Variants in TCERG1L observed in about 807,000 individuals in gnomAD.
TCERG1L encodes the protein transcription elongation regulator 1-like protein.
Under a neutral mutation model 56.3 loss-of-function variants are expected in TCERG1L, and 37 were observed. That is an observed-to-expected ratio of 0.66 (90% CI 0.51 to 0.87). The LOEUF (loss-of-function observed/expected upper bound fraction) is 0.87, where lower values mean the gene tolerates loss of function less well. TCERG1L is among the 40% of genes least tolerant of loss of function. The probability of loss-of-function intolerance (pLI) is 0.00; values close to 1 mark genes in which losing one functional copy is unlikely to be tolerated. For missense variants in TCERG1L, 799 were observed against 774.2 expected (o/e 1.03, Z -0.38); for synonymous variants, 324 against 326.3 (o/e 0.99, Z 0.08).
chr10:131,196,966 G>A (rs1431081661), intron 4 of TCERG1L, among the ~76,000 whole-genome samples: 10 of 152,158 alleles, frequency 6.6e-5, no homozygotes. Context: ...AGGGACCTGG[G>A]GATCAGGTCC....
At position 131,163,188 on chromosome 10, in the gene TCERG1L, C is replaced by T. The variant is rs780629059; in HGVS notation, c.968G>A (p.Gly323Glu). Residue 323 changes from glycine (G) to glutamate (E), a missense_variant, in exon 6 of 12, where the codon GGA (glycine) becomes GAA (glutamate). By Grantham distance (98) the Gly-to-Glu change is moderately conservative. Transcript: ENST00000368642. ...GCCTCTGGCTGTGCTGTCCTCTCCT[C>T]CCCCCAGCATCGGTGGAGGCTCCTT... ...EDKEPPPMLG[G>E]GEDSTARGNR... The T allele has an allele frequency of 2.6e-6, 4 of 1,558,462 alleles. No individual in the cohort carries two copies. The highest frequency in any genetic ancestry group is 1.2e-5 in the South Asian group (1 of 83,754).
intron 3 of TCERG1L, among the ~76,000 whole-genome samples, chr10:131,272,148 C>G (rs563900232): frequency 7.7e-4 from 117 of 152,308 alleles, no homozygotes; most frequent in Non-Finnish European, 1.5e-3. Flanking sequence ...GTCCTTCCCT[C>G]CGTGTCCTCT....
At chr10:131,233,665 T>C (rs1384061101) in intron 4 of TCERG1L, among the ~76,000 whole-genome samples, 1 of 152,218 alleles carries the variant, frequency 6.6e-6, no homozygotes, top group Non-Finnish European at 1.5e-5. Flanking sequence ...TTTGAAACTA[T>C]CAAAAATATA....
Position 131,311,199 on chromosome 10 carries a change from G to A in TCERG1L, c.342+95C>T, listed in dbSNP as rs1846890281. 2 of 1,017,062 alleles carry A rather than the reference G, an allele frequency of 2.0e-6. No individual in the cohort carries two copies. The highest frequency in any genetic ancestry group is 1.7e-5 in the African/African-American group (1 of 58,868). The allele number at this position is 1,017,062 out of a possible 1,614,324, so 63.0% of individuals were successfully genotyped here. On this transcript the variant is annotated intron_variant, in intron 1 of 11. Transcript: ENST00000368642. This position sits in a 1 kb window ranked among gnomAD's most constrained non-coding sequence, Gnocchi z 4.0. ...GCGGCGAGGACCGCCGGGGAGGAGGGCGCGCGAGCCGGAGGCCAGAGCCGG... is the reference window on the plus strand; with the variant it reads ...GCGGCGAGGACCGCCGGGGAGGAGGACGCGCGAGCCGGAGGCCAGAGCCGG...
intron 4 of TCERG1L, among the ~76,000 whole-genome samples, chr10:131,212,976 A>G (rs1028158225): frequency 6.6e-6 from 1 of 152,220 alleles, no homozygotes; most frequent in African/African-American, 2.4e-5. Flanking sequence ...GACCTGCACA[A>G]GCATATTGAA....
chr10:131,284,097 G>A (rs1266006115), intron 3 of TCERG1L, among the ~76,000 whole-genome samples: 1 of 139,808 alleles, frequency 7.2e-6, no homozygotes, highest in African/African-American at 2.7e-5. Context: ...CTGCACTCCA[G>A]CCTAGGCGAC....
chr10:131,211,436 G>A (rs1330252306), intron 4 of TCERG1L, among the ~76,000 whole-genome samples: 2 of 152,220 alleles, frequency 1.3e-5, no homozygotes, highest in Admixed American at 6.5e-5. Flanking sequence ...CTTTCCCGGT[G>A]TTCTGGGCCC....
rs542086940 is a variant in TCERG1L, at chr10:131,236,039, C to T, written c.856+24220G>A. The stretch of plus-strand genomic sequence containing the variant: ...CATGGAATTACATTACATTTAGGCT[C>T]ACCTAGTGTGTGTGCCAGGCAGTGA... On this transcript the variant is annotated intron_variant, in intron 4 of 11. Transcript: ENST00000368642. 6.6e-5 allele frequency among the ~76,000 whole-genome samples: 10 copies of T among 152,312 alleles called. 1 individual carries two copies. The highest frequency in any genetic ancestry group is 5.9e-4 in the Admixed American group (9 of 15,306).
chr10:131,226,091 C>A (rs1845788328), intron 4 of TCERG1L, among the ~76,000 whole-genome samples: 1 of 152,166 alleles, frequency 6.6e-6, no homozygotes, highest in Admixed American at 6.5e-5. Context: ...GTGTGAGCCA[C>A]CATGGCTGGC....
At chr10:131,297,768 CATGTTTTCTATTACTACTTCTATTT>C (rs1846714287) in intron 3 of TCERG1L, among the ~76,000 whole-genome samples, 1 of 152,046 alleles carries the variant, frequency 6.6e-6, no homozygotes, top group Non-Finnish European at 1.5e-5. Flanking sequence ...CAGAGTTATT[CATGTTTTCTATTACTACTTCTATTT>C]ATGTTTTCTA....
intron 4 of TCERG1L, among the ~76,000 whole-genome samples, chr10:131,234,564 C>T (rs556361906): frequency 6.6e-6 from 1 of 152,314 alleles, no homozygotes; most frequent in East Asian, 1.9e-4. Flanking sequence ...CCACAGCTTA[C>T]ATCACGGGAG....
chr10:131,247,684 T>A (rs759863363), intron 4 of TCERG1L, among the ~76,000 whole-genome samples: 10 of 152,018 alleles, frequency 6.6e-5, no homozygotes, highest in South Asian at 2.1e-4. Flanking sequence ...GAACTTTCCC[T>A]TCTCTGTCCC....
chr10:131,256,855 AG>A (rs1023895773), intron 4 of TCERG1L, among the ~76,000 whole-genome samples: 39 of 151,238 alleles, frequency 2.6e-4, no homozygotes, highest in African/African-American at 9.0e-4. Flanking sequence ...CTGCACTCTC[AG>A]CCTGGGCGAC....
chr10:131,309,276 C>T lies in TCERG1L; in HGVS notation c.366G>A (p.Pro122=), dbSNP rs148480002. The T allele has an allele frequency of 2.9e-5, 47 of 1,596,304 alleles. No individual in the cohort carries two copies. The highest frequency in any genetic ancestry group is 4.1e-5 in the African/African-American group (3 of 73,504). Residue 122 remains proline (P), a synonymous_variant, in exon 2 of 12, where the codon CCG becomes CCA. Coordinates refer to ENST00000368642, the MANE Select transcript of TCERG1L (RefSeq NM_174937.4). The part of the protein sequence containing the change: ...HGQWLFGGHS[P]SLGLPPSSTV... ...TGGAAGAGGGGGGCAGTCCTAGGGACGGAGAATGGCCACCAAACAGCCACT... is the reference window on the plus strand; with the variant it reads ...TGGAAGAGGGGGGCAGTCCTAGGGATGGAGAATGGCCACCAAACAGCCACT...
chr10:131,170,614 A>G (rs1410984965), intron 4 of TCERG1L, among the ~76,000 whole-genome samples: 3 of 152,150 alleles, frequency 2.0e-5, no homozygotes, highest in Non-Finnish European at 4.4e-5. Flanking sequence ...GAAGGAAGCA[A>G]AAAAGCCTGT....
intron 3 of TCERG1L, among the ~76,000 whole-genome samples, chr10:131,299,714 C>T (rs1274000911): frequency 4.6e-5 from 7 of 152,016 alleles, no homozygotes; most frequent in Admixed American, 4.6e-4. Flanking sequence ...TAAAGACATA[C>T]TTATATCTTC....
chr10:131,285,103 C>G (rs892035078), intron 3 of TCERG1L, among the ~76,000 whole-genome samples: 1 of 152,122 alleles, frequency 6.6e-6, no homozygotes, highest in African/African-American at 2.4e-5. Flanking sequence ...AGCAGCCAGT[C>G]GCAGTGGCTC....
intron 6 of TCERG1L, among the ~76,000 whole-genome samples, chr10:131,159,079 G>A (rs548175059): frequency 2.0e-5 from 3 of 152,226 alleles, no homozygotes; most frequent in Admixed American, 6.5e-5. Flanking sequence ...ACTTGGCCAC[G>A]ATGACCTTCT....
intron 1 of TCERG1L, among the ~76,000 whole-genome samples, chr10:131,310,028 T>C (rs1293551399): frequency 6.6e-5 from 10 of 152,222 alleles, no homozygotes; most frequent in Non-Finnish European, 1.3e-4. Flanking sequence ...CCTATTGTTT[T>C]AAAATCGTAA....
Sources: gnomAD v4.1 joint callset for allele counts (sites outside exome capture counted in the v4.1 genomes callset) on GRCh38, gnomAD v4.1.1 for gene constraint, Gnocchi (gnomAD v3.1) non-coding constraint, MANE v1.5 for transcripts, NCBI Gene and HGNC (gene_info 2026-07-23, HGNC 2026-07-21) for gene names.